TRPM3: variants seen among roughly 807,000 people sequenced by gnomAD.
The protein encoded by TRPM3 is long transient receptor potential channel 3.
In TRPM3, 77 loss-of-function variants were observed where a neutral mutation model predicts 181.2. The ratio of observed to expected loss-of-function variants is 0.42; its 90% CI spans 0.35 to 0.51. TRPM3 has a LOEUF of 0.51. Among genes scored for constraint, TRPM3 ranks in the 20% least tolerant of loss-of-function variants. The pLI is 0.01. For missense variants in TRPM3, 1,759 were observed against 2,196.7 expected, an observed-to-expected ratio of 0.80 and a Z score of 3.98; for synonymous variants, 745 against 796.4, an observed-to-expected ratio of 0.94 and a Z score of 1.09.
chr9:70,649,535 T>G (rs778399960), intron 9 of TRPM3, among the ~76,000 whole-genome samples: 1 of 152,008 alleles, frequency 6.6e-6, no homozygotes, highest in African/African-American at 2.4e-5. Flanking sequence ...CCAATAATCA[T>G]GGGGAAAATG....
intron 18 of TRPM3, 28 bp from the exon 19 acceptor site, chr9:70,610,777 A>T: frequency 6.2e-7 from 1 of 1,613,218 alleles, no homozygotes; most frequent in Non-Finnish European, 8.5e-7. Context: ...CGATACCATC[A>T]TGACAGGGCT....
At chr9:71,339,458 G>A (rs1017282963) in intron 1 of TRPM3, among the ~76,000 whole-genome samples, 1 of 152,098 alleles carries the variant, frequency 6.6e-6, no homozygotes, top group African/African-American at 2.4e-5. Context: ...AAAACAATGT[G>A]CATACTAGTG....
At chr9:71,121,625 C>A (rs1222051667), upstream of TRPM3, 2 of 1,201,426 alleles carry the variant, frequency 1.7e-6, no homozygotes. Flanking sequence ...CCAGAATGCG[C>A]GCTCCCTCTC....
chr9:70,701,972 C>T (rs563432063), intron 8 of TRPM3, among the ~76,000 whole-genome samples: 16 of 134,662 alleles, frequency 1.2e-4, no homozygotes, highest in African/African-American at 3.7e-4. Flanking sequence ...AATTCCCATG[C>T]TGTGTAGTCT....
intron 22 of TRPM3, among the ~76,000 whole-genome samples, chr9:70,581,650 C>T (rs1463746207): frequency 2.0e-5 from 3 of 152,230 alleles, no homozygotes; most frequent in Admixed American, 1.3e-4. Context: ...GTGTACTCTG[C>T]TCTGCTTTGA....
chr9:71,139,871 A>G (rs1005992398), intron 1 of TRPM3, among the ~76,000 whole-genome samples: 4 of 152,196 alleles, frequency 2.6e-5, no homozygotes, highest in South Asian at 2.1e-4. Context: ...CTTTATATAC[A>G]GTCTGGTCAA....
At chr9:71,100,897 G>C (rs143783388) in intron 1 of TRPM3, among the ~76,000 whole-genome samples, 1 of 152,114 alleles carries the variant, frequency 6.6e-6, no homozygotes, top group African/African-American at 2.4e-5. Flanking sequence ...CAAATGCACC[G>C]TGGATCTCAG....
At chr9:71,086,672 A>G (rs1056662119) in intron 1 of TRPM3, among the ~76,000 whole-genome samples, 2 of 152,002 alleles carry the variant, frequency 1.3e-5, no homozygotes, top group African/African-American at 4.8e-5. Context: ...CTTTCTATGC[A>G]ATTCAGCTGT....
chr9:71,337,046 A>G (rs138214454), intron 1 of TRPM3, among the ~76,000 whole-genome samples: 2,323 of 152,328 alleles, frequency 0.015, 30 homozygotes, highest in Middle Eastern at 0.024. Flanking sequence ...GGGATGGGCA[A>G]GGACTTCATG....
At position 70,536,569 on chromosome 9, in the gene TRPM3, C is replaced by T. The variant is rs774052094; in HGVS notation, c.4544G>A (p.Arg1515His). 54 of 1,614,038 alleles carry T rather than the reference C, an allele frequency of 3.3e-5. No homozygotes were observed. Among genetic ancestry groups the T allele is most frequent in the East Asian group, 2.9e-4 (13 of 44,874 alleles). ...YHTIERSKSS[R>H]YLATTPFLLE... ...AAGAAAGGGTGTGGTGGCTAGGTAG[C>T]GGCTACTTTTGGAACGCTCAATGGT... The change falls in exon 26 of 26, where the codon CGC becomes CAC. Residue 1515 changes from arginine to histidine, a missense_variant. Arg to His is a conservative substitution (Grantham distance 29, BLOSUM62 0). Around this residue, in one of 8 missense-constraint regions of TRPM3, gnomAD observed 612 missense variants for 590.0 expected, o/e 1.04. Transcript: ENST00000677713.
intron 1 of TRPM3, among the ~76,000 whole-genome samples, chr9:71,092,887 C>T (rs984523414): frequency 1.3e-5 from 2 of 151,960 alleles, no homozygotes; most frequent in Non-Finnish European, 1.5e-5. Context: ...GGTACTGGTA[C>T]CAAAACAGAT....
At chr9:71,357,951 C>G (rs1445325776) in intron 1 of TRPM3, among the ~76,000 whole-genome samples, 1 of 152,130 alleles carries the variant, frequency 6.6e-6, no homozygotes, top group Non-Finnish European at 1.5e-5. Flanking sequence ...CTTGATTGCT[C>G]ACTCTACCTT....
chr9:71,168,783 C>T (rs2076691307), intron 1 of TRPM3, among the ~76,000 whole-genome samples: 1 of 150,872 alleles, frequency 6.6e-6, no homozygotes, highest in Admixed American at 6.6e-5. Context: ...ATATAAATGC[C>T]TACCAAAAAG....
At chr9:71,162,303 G>C (rs577983172) in intron 1 of TRPM3, among the ~76,000 whole-genome samples, 12 of 151,980 alleles carry the variant, frequency 7.9e-5, no homozygotes, top group Non-Finnish European at 1.6e-4. Context: ...AATGCTTCCG[G>C]CTTTTCTGGC....
At chr9:70,842,719 G>T (rs1030636136) in intron 5 of TRPM3, among the ~76,000 whole-genome samples, 1 of 152,096 alleles carries the variant, frequency 6.6e-6, no homozygotes, top group African/African-American at 2.4e-5. Context: ...GTAATTGCAG[G>T]ATTTGATGGG....
At chr9:70,673,467 G>T (rs1191597765) in intron 9 of TRPM3, among the ~76,000 whole-genome samples, 2 of 152,074 alleles carry the variant, frequency 1.3e-5, no homozygotes, top group Non-Finnish European at 2.9e-5. Flanking sequence ...ACCTTACCTG[G>T]TGTGTTTAGT....
At chr9:71,258,606 A>G (rs185439695) in intron 1 of TRPM3, among the ~76,000 whole-genome samples, 4 of 152,278 alleles carry the variant, frequency 2.6e-5, no homozygotes, top group Admixed American at 2.0e-4. Flanking sequence ...CTTATTTTTC[A>G]TTAATGTGTC....
intron 22 of TRPM3, among the ~76,000 whole-genome samples, chr9:70,556,871 C>T (rs1165854899): frequency 6.6e-6 from 1 of 152,152 alleles, no homozygotes; most frequent in East Asian, 1.9e-4. Flanking sequence ...GATCATTACA[C>T]AAGATAATGC....
At chr9:70,603,505 C>A in intron 19 of TRPM3, 35 bp from the exon 20 acceptor site, 2 of 1,609,116 alleles carry the variant, frequency 1.2e-6, no homozygotes, top group South Asian at 2.2e-5. Context: ...TCTGGCTGTT[C>A]AGGCCCAGGA....
Sources: gnomAD v4.1 joint callset for allele counts (sites outside exome capture counted in the v4.1 genomes callset) on GRCh38, gnomAD v4.1.1 for gene constraint, gnomAD v4.1.1 regional missense constraint, MANE v1.5 for transcripts, NCBI Gene and HGNC (gene_info 2026-07-23, HGNC 2026-07-21) for gene names.